Variants in EXOC1 observed in about 807,000 individuals in gnomAD.
EXOC1 encodes the protein SEC3-like 1.
A neutral mutation model predicts 107.7 loss-of-function variants in EXOC1; 67 were observed. The observed-to-expected ratio is 0.62, with a 90% CI of 0.51 to 0.76. The LOEUF (loss-of-function observed/expected upper bound fraction) is 0.76. Ranked by LOEUF, EXOC1 falls within the 30% of genes least tolerant of loss-of-function variation. EXOC1 has a pLI of 0.00. For missense variants in EXOC1, 833 were observed against 1,055.7 expected, an observed-to-expected ratio of 0.79 and a Z score of 2.92; for synonymous variants, 348 against 353.5, an observed-to-expected ratio of 0.98 and a Z score of 0.17.
At chr4:55,887,403 T>C (rs1351083991) in intron 10 of EXOC1, among the ~76,000 whole-genome samples, 1 of 152,176 alleles carries the variant, frequency 6.6e-6, no homozygotes, top group Non-Finnish European at 1.5e-5. Flanking sequence ...CTCACTGTTA[T>C]AAGTACTGGG....
chr4:55,879,418 A>T (rs887516340), intron 9 of EXOC1, among the ~76,000 whole-genome samples: 5 of 152,158 alleles, frequency 3.3e-5, no homozygotes. Context: ...GTGCTTGCAG[A>T]GCAGGGAGGC....
chr4:55,878,961 G>A (rs760697104), intron 9 of EXOC1, among the ~76,000 whole-genome samples: 1 of 152,192 alleles, frequency 6.6e-6, no homozygotes, highest in Non-Finnish European at 1.5e-5. Flanking sequence ...CCAGGAAGAT[G>A]GTGTTGGGAA....
At chr4:55,872,859 C>A (rs1327826634) in intron 8 of EXOC1, 3 of 686,824 alleles carry the variant, frequency 4.4e-6, no homozygotes, top group Non-Finnish European at 5.3e-6. Flanking sequence ...TTTTTTTTTT[C>A]TATAAAGTTT....
intron 5 of EXOC1, among the ~76,000 whole-genome samples, chr4:55,869,627 C>T (rs1396382734): frequency 6.6e-6 from 1 of 152,028 alleles, no homozygotes; most frequent in Non-Finnish European, 1.5e-5. Context: ...GAAAGCAAAG[C>T]CTAGAAATGA....
In EXOC1 at chr4:55,858,383, G is replaced by T; in HGVS notation, c.60G>T (p.Leu20=). The change falls in exon 2 of 19, where the codon CTG becomes CTT. Residue 20 remains leucine (L), a synonymous_variant. Coordinates refer to ENST00000381295, the MANE Select transcript of EXOC1 (RefSeq NM_001024924.2). ...RDIFTPNDER[L]LSIVNVCKAG... is the part of the protein sequence containing the mutation. The stretch of plus-strand genomic sequence containing the variant: ...TTTTTACACCAAATGATGAACGCCT[G>T]CTGAGCATTGTGAATGTCTGCAAAG... 1.2e-6 allele frequency: 2 copies of T among 1,610,858 alleles called. No homozygotes were observed. Among genetic ancestry groups the T allele is most frequent in the Middle Eastern group, 3.3e-4 (2 of 6,050 alleles).
intron 17 of EXOC1, 76 bp downstream of exon 17, chr4:55,899,960 AC>A: frequency 7.8e-7 from 1 of 1,274,810 alleles, no homozygotes; most frequent in Admixed American, 2.4e-5. Flanking sequence ...TAACCTGCAG[AC>A]ATTTATCTTA....
chr4:55,899,932 C>A (rs1725699751), intron 17 of EXOC1, 48 bp downstream of exon 17: 9 of 1,451,756 alleles, frequency 6.2e-6, no homozygotes, highest in Non-Finnish European at 8.5e-6. Context: ...AACCTATACA[C>A]ATAAGTTTGC....
intron 6 of EXOC1, 61 bp from the exon 7 acceptor site, chr4:55,871,040 C>T (rs1722382322): frequency 6.3e-7 from 1 of 1,591,582 alleles, no homozygotes; most frequent in Non-Finnish European, 8.6e-7. Context: ...GACTGAATAG[C>T]ATCTTGCCTG....
chr4:55,904,378 C>A lies in EXOC1; in HGVS notation c.2568C>A (p.Arg856=), dbSNP rs372930245. 1.7e-5 allele frequency: 28 copies of A among 1,610,040 alleles called. No homozygotes were observed. The highest frequency in any genetic ancestry group is 5.4e-5 in the African/African-American group (4 of 73,976). ...VWHSMQDEFI[R]QYKHFEGLIA... ...ACTCCATGCAAGATGAATTTATACG[C>A]CAGTATAAGCACTTTGAAGGTTTGA... The change falls in exon 19 of 19, where the codon CGC becomes CGA. Residue 856 remains arginine, a synonymous_variant. Coordinates refer to ENST00000381295, the MANE Select transcript of EXOC1 (RefSeq NM_001024924.2).
At chr4:55,876,299 G>A in intron 8 of EXOC1, 2 of 985,344 alleles carry the variant, frequency 2.0e-6, no homozygotes, top group Non-Finnish European at 2.4e-6. Flanking sequence ...ACCCAGAAAA[G>A]AATATCCACA....
In EXOC1 at chr4:55,891,204, T is replaced by G. The variant is rs867073348; in HGVS notation, c.1540-111T>G. Reference sequence around the variant, plus strand: ...CCATTGAGATTATAAATTCATAGATTAGTGAGATTATGGATCCATGGTCTG... The same window carrying G: ...CCATTGAGATTATAAATTCATAGATGAGTGAGATTATGGATCCATGGTCTG... On this transcript the variant is annotated intron_variant, in intron 12 of 18. Transcript: ENST00000381295. 17 of 663,048 alleles carry G rather than the reference T, an allele frequency of 2.6e-5. 1 individual carries two copies. The South Asian group carries it at 2.8e-4, about 11-fold the overall frequency. The allele number at this position is 663,048 out of a possible 1,614,324, so 41.1% of individuals were successfully genotyped here.
chr4:55,901,329 A>G (rs1725883410), intron 17 of EXOC1, among the ~76,000 whole-genome samples: 1 of 152,162 alleles, frequency 6.6e-6, no homozygotes, highest in South Asian at 2.1e-4. Flanking sequence ...TTTTTAAAGC[A>G]CTAAGAATAA....
At chr4:55,875,141 A>G (rs1722773213) in intron 8 of EXOC1, among the ~76,000 whole-genome samples, 1 of 152,186 alleles carries the variant, frequency 6.6e-6, no homozygotes, top group African/African-American at 2.4e-5. Context: ...ACTTTTTACC[A>G]TATGCTTAAG....
chr4:55,860,684 T>A, intron 3 of EXOC1, 143 bp downstream of exon 3: 1 of 915,448 alleles, frequency 1.1e-6, no homozygotes, highest in Non-Finnish European at 1.6e-6. Context: ...AAGCTATAAT[T>A]ATGTTTGTGC....
chr4:55,899,470 T>C (rs1363850651), intron 16 of EXOC1, among the ~76,000 whole-genome samples: 1 of 152,160 alleles, frequency 6.6e-6, no homozygotes, highest in Admixed American at 6.5e-5. Flanking sequence ...TTTTATTATA[T>C]ACTGAATTTC....
intron 1 of EXOC1, among the ~76,000 whole-genome samples, chr4:55,856,955 A>G (rs1451940079): frequency 6.6e-6 from 1 of 151,972 alleles, no homozygotes; most frequent in Non-Finnish European, 1.5e-5. Context: ...GAAACTCCAT[A>G]CCCATTAACA....
intron 4 of EXOC1, among the ~76,000 whole-genome samples, chr4:55,864,717 A>C (rs1326107017): frequency 2.6e-5 from 4 of 152,192 alleles, no homozygotes; most frequent in Non-Finnish European, 2.9e-5. Flanking sequence ...TGTATCATGA[A>C]CATTTTTCAT....
chr4:55,864,207 T>C lies in EXOC1; in HGVS notation c.256-20T>C, dbSNP rs765809917. On this transcript the variant is annotated intron_variant, in intron 3 of 18. Transcript: ENST00000381295. ...AAGGATGTGATCAAAAATAATATCT[T>C]TTGTATATTTTTATTTTAGGAAAAT... 1 of 1,414,696 alleles carries C rather than the reference T, an allele frequency of 7.1e-7. No individual in the cohort carries two copies. The highest frequency in any genetic ancestry group is 1.3e-5 in the South Asian group (1 of 76,510). 87.6% of individuals were successfully genotyped at this position (1,414,696 alleles called of 1,614,324 possible). A position where few individuals can be genotyped will look rare whatever the true frequency, so the allele number is the denominator to read the frequency against.
chr4:55,859,070 T>C (rs1056974733), intron 2 of EXOC1, among the ~76,000 whole-genome samples: 2 of 152,208 alleles, frequency 1.3e-5, no homozygotes, highest in South Asian at 4.1e-4. Context: ...TGTCATGGTG[T>C]GTGTGAGCAT....
Sources: gnomAD v4.1 joint callset for allele counts (sites outside exome capture counted in the v4.1 genomes callset) on GRCh38, gnomAD v4.1.1 for gene constraint, MANE v1.5 for transcripts, NCBI Gene and HGNC (gene_info 2026-07-23, HGNC 2026-07-21) for gene names.